Variants in LOC400499 observed in about 807,000 individuals in gnomAD.
chr16:11,385,760 G>T, the LOC400499 span, among the ~76,000 whole-genome samples: 36 of 152,354 alleles, frequency 2.4e-4, 1 homozygote, highest in South Asian at 7.5e-3. Context: ...GCCATGGACA[G>T]AAGGCAGATT....
At chr16:11,473,248 CA>C in the LOC400499 span, 70 of 150,138 alleles carry the variant, frequency 4.7e-4, no homozygotes, top group African/African-American at 1.7e-3. Context: ...AGTTTATTTA[CA>C]ATTCTAAATG....
At chr16:11,380,436 C>G in the LOC400499 span, among the ~76,000 whole-genome samples, 1 of 151,940 alleles carries the variant, frequency 6.6e-6, no homozygotes, top group African/African-American at 2.4e-5. Context: ...AAAAATTCGC[C>G]GGGGGTGGTG....
chr16:11,375,136 C>G, the LOC400499 span, among the ~76,000 whole-genome samples: 1 of 145,940 alleles, frequency 6.9e-6, no homozygotes, highest in Admixed American at 6.7e-5. Flanking sequence ...GTGTGAGCCA[C>G]TGCACCTGAC....
At chr16:11,380,137 G>T in the LOC400499 span, among the ~76,000 whole-genome samples, 2 of 151,908 alleles carry the variant, frequency 1.3e-5, no homozygotes, top group Non-Finnish European at 2.9e-5. Flanking sequence ...TATGTTTAAC[G>T]TAGATGTATA....
At chr16:11,480,327 C>G in the LOC400499 span, among the ~76,000 whole-genome samples, 1 of 152,206 alleles carries the variant, frequency 6.6e-6, no homozygotes, top group Admixed American at 6.5e-5. Context: ...CAGCTCTAGT[C>G]CAAGATGCTT....
the LOC400499 span, chr16:11,385,264 C>G: frequency 4.9e-6 from 6 of 1,232,322 alleles, no homozygotes; most frequent in Non-Finnish European, 6.1e-6. Context: ...ACGAACAGGG[C>G]TGTGAGCCCC....
chr16:11,504,211 G>T, the LOC400499 span, among the ~76,000 whole-genome samples: 1 of 152,194 alleles, frequency 6.6e-6, no homozygotes, highest in Non-Finnish European at 1.5e-5. Flanking sequence ...AAAGAGGGCA[G>T]ATCTAGGCAG....
At chr16:11,393,768 T>C in the LOC400499 span, among the ~76,000 whole-genome samples, 1 of 152,102 alleles carries the variant, frequency 6.6e-6, no homozygotes, top group African/African-American at 2.4e-5. Flanking sequence ...AGTGCCCCAT[T>C]ACAGAAAGCA....
At chr16:11,489,091 A>C in the LOC400499 span, among the ~76,000 whole-genome samples, 1 of 152,192 alleles carries the variant, frequency 6.6e-6, no homozygotes, top group Non-Finnish European at 1.5e-5. Context: ...TGGAATTCTG[A>C]CACACTTCCC....
At chr16:11,379,231 G>C in the LOC400499 span, among the ~76,000 whole-genome samples, 1 of 152,208 alleles carries the variant, frequency 6.6e-6, no homozygotes, top group South Asian at 2.1e-4. Context: ...CTGGGCAACA[G>C]AGTGAGATTC....
the LOC400499 span, among the ~76,000 whole-genome samples, chr16:11,463,587 G>C: frequency 6.6e-6 from 1 of 152,046 alleles, no homozygotes; most frequent in East Asian, 1.9e-4. Flanking sequence ...TGTGTAAAGA[G>C]GTGTATATAT....
the LOC400499 span, chr16:11,372,281 T>A: frequency 6.6e-6 from 1 of 152,204 alleles, no homozygotes; most frequent in African/African-American, 2.4e-5. Flanking sequence ...AAAAGACCCC[T>A]GGATCAGGCA....
the LOC400499 span, among the ~76,000 whole-genome samples, chr16:11,439,257 T>C: frequency 6.6e-6 from 1 of 152,182 alleles, no homozygotes; most frequent in Non-Finnish European, 1.5e-5. Flanking sequence ...AATGTGATCC[T>C]TCACCCCCTT....
the LOC400499 span, among the ~76,000 whole-genome samples, chr16:11,524,361 G>GCCCCCCCCCCCCCCCCCCCC: frequency 4.3e-5 from 4 of 93,736 alleles, no homozygotes; most frequent in African/African-American, 1.9e-4. Flanking sequence ...CATCCACCCA[G>GCCCCCCCCCCCCCCCCCCCC]CCACCCACCC....
the LOC400499 span, among the ~76,000 whole-genome samples, chr16:11,476,218 G>C: frequency 2.0e-5 from 3 of 151,970 alleles, no homozygotes; most frequent in African/African-American, 7.3e-5. Flanking sequence ...AGGGAGATGG[G>C]CAGAGTCCCC....
the LOC400499 span, among the ~76,000 whole-genome samples, chr16:11,490,261 T>C: frequency 1.3e-5 from 2 of 151,632 alleles, no homozygotes; most frequent in Non-Finnish European, 1.5e-5. Flanking sequence ...CCGGGCATGG[T>C]GGTGTGCAGC....
the LOC400499 span, among the ~76,000 whole-genome samples, chr16:11,410,753 C>T: frequency 6.6e-6 from 1 of 152,238 alleles, no homozygotes. Context: ...CTGTGCCAGG[C>T]ACTAGGCATG....
At chr16:11,497,443 C>T in the LOC400499 span, among the ~76,000 whole-genome samples, 11 of 152,338 alleles carry the variant, frequency 7.2e-5, no homozygotes, top group African/African-American at 2.4e-4. Flanking sequence ...AGAAGCTCTC[C>T]GGCACATGGG....
At chr16:11,459,684 T>C in the LOC400499 span, among the ~76,000 whole-genome samples, 1 of 152,186 alleles carries the variant, frequency 6.6e-6, no homozygotes, top group South Asian at 2.1e-4. Context: ...TCCCAAGCCC[T>C]CCTGCCAGTC....
Sources: gnomAD v4.1 joint callset for allele counts (sites outside exome capture counted in the v4.1 genomes callset) on GRCh38, gnomAD v4.1.1 for gene constraint, MANE v1.5 for transcripts.